The following PDE4C variants were observed in gnomAD, a reference collection of about 807,000 sequenced individuals.
PDE4C encodes the protein phosphodiesterase 4C, also known as 3',5'-cyclic-AMP phosphodiesterase 4C.
Under a neutral mutation model 63.9 loss-of-function variants are expected in PDE4C, and 50 were observed. That is an observed-to-expected ratio of 0.78 (90% CI 0.62 to 0.99). The LOEUF (loss-of-function observed/expected upper bound fraction) is 0.99. PDE4C is among the 50% of genes least tolerant of loss of function. PDE4C has a pLI of 0.00. For synonymous variants in PDE4C, 377 were observed against 385.1 expected, an observed-to-expected ratio of 0.98 and a Z score of 0.25; for missense variants, 777 against 899.1, an observed-to-expected ratio of 0.86 and a Z score of 1.74.
At chr19:18,231,622 C>T (rs552335623) in intron 1 of PDE4C, among the ~76,000 whole-genome samples, 6 of 152,012 alleles carry the variant, frequency 3.9e-5, no homozygotes, top group Admixed American at 6.5e-5. Flanking sequence ...TGCACCAGGA[C>T]GCAAGAAAGC....
At chr19:18,241,703 C>A (rs934310407) in intron 1 of PDE4C, among the ~76,000 whole-genome samples, 1 of 152,096 alleles carries the variant, frequency 6.6e-6, no homozygotes, top group African/African-American at 2.4e-5. Flanking sequence ...TCACACACCA[C>A]AACTCCCAGC....
upstream of PDE4C, among the ~76,000 whole-genome samples, chr19:18,227,832 G>A (rs1968774562): frequency 6.6e-6 from 1 of 152,200 alleles, no homozygotes; most frequent in Admixed American, 6.5e-5. Context: ...CAGTCCTGGA[G>A]AAGCCCATTG....
intron 1 of PDE4C, chr19:18,232,825 G>A (rs2148054216): frequency 5.2e-6 from 6 of 1,146,350 alleles, no homozygotes; most frequent in Non-Finnish European, 7.0e-6. Context: ...TTCCTTCCAG[G>A]CGCCAGCCTC....
intron 4 of PDE4C, 47 bp downstream of exon 4, chr19:18,221,058 C>CCCCCCCCCCCCCCCCCCCTT: frequency 1.6e-6 from 2 of 1,221,608 alleles, no homozygotes; most frequent in Non-Finnish European, 2.3e-6. Context: ...TTCCGCCCAC[C>CCCCCCCCCCCCCCCCCCCTT]TTGTCTCTGC....
chr19:18,211,903 G>A (rs1967967932), exon 14 of PDE4C: 1 of 1,614,118 alleles, frequency 6.2e-7, no homozygotes, highest in South Asian at 1.1e-5. Context: ...GCTTGGTGGG[G>A]TTGCTCAGAT....
In PDE4C at chr19:18,233,361, G is replaced by A. The variant is rs750893094; in HGVS notation, c.-170C>T. The A allele has an allele frequency of 8.7e-4, 772 of 882,932 alleles. 4 individuals carry two copies. The highest frequency in any genetic ancestry group is 3.2e-4 in the Non-Finnish European group (174 of 550,818). 54.7% of individuals were successfully genotyped at this position (882,932 alleles called of 1,614,324 possible). A position where few individuals can be genotyped will look rare whatever the true frequency, so the allele number is the denominator to read the frequency against. ...GTAGAAGGTGGAACTGGGGCTCAAG[G>A]TGGGGCCGACACCGAGGAGCTGTCG... On this transcript the variant is annotated 5_prime_UTR_variant, in exon 1 of 15. Coordinates refer to the PDE4C transcript ENST00000594465.
upstream of PDE4C, chr19:18,250,026 A>T (rs370026366): frequency 8.0e-5 from 32 of 398,488 alleles, no homozygotes; most frequent in East Asian, 8.5e-4. Flanking sequence ...GTGTTTTCAC[A>T]CGAGGCCTTG....
chr19:18,233,505 C>G (rs1378132891), exon 1 of PDE4C: 8 of 629,232 alleles, frequency 1.3e-5, no homozygotes, highest in Middle Eastern at 2.5e-4. Context: ...TCTGCCGTCC[C>G]CTATAGCGCT....
upstream of PDE4C, among the ~76,000 whole-genome samples, chr19:18,251,559 C>G (rs1039149811): frequency 1.3e-5 from 2 of 151,856 alleles, no homozygotes; most frequent in South Asian, 4.2e-4. Flanking sequence ...CTCAGCCTCC[C>G]GAGTTGCTGA....
chr19:18,230,535 A>G (rs1968826840), upstream of PDE4C, among the ~76,000 whole-genome samples: 2 of 152,166 alleles, frequency 1.3e-5, no homozygotes, highest in South Asian at 2.1e-4. Flanking sequence ...TGCTTGTAGC[A>G]TAAACAGAGA....
chr19:18,214,948 C>CAA (rs34534126), intron 12 of PDE4C, among the ~76,000 whole-genome samples: 18 of 102,298 alleles, frequency 1.8e-4, no homozygotes, highest in Non-Finnish European at 1.7e-4. Context: ...GACTCCATTT[C>CAA]AAAAAAAAAA....
upstream of PDE4C, chr19:18,226,602 CT>C: frequency 5.5e-6 from 2 of 362,962 alleles, no homozygotes; most frequent in Non-Finnish European, 9.5e-6. Context: ...CAACTCTCTG[CT>C]CCTTTTTTTT....
chr19:18,250,618 T>C, upstream of PDE4C: 1 of 395,590 alleles, frequency 2.5e-6, no homozygotes, highest in Non-Finnish European at 4.5e-6. Flanking sequence ...TTTAATCATG[T>C]ATTTTAGAGA....
Position 18,210,947 on chromosome 19 carries a change from G to A in PDE4C, c.2025C>T (p.Leu675=), listed in dbSNP as rs150088794. 4.1e-3 allele frequency: 6,592 copies of A among 1,610,238 alleles called. 22 individuals are homozygous for A. Among genetic ancestry groups the A allele is most frequent in the Non-Finnish European group, 4.9e-3 (5,727 of 1,177,542 alleles). ...GCTGGCCCTAAGTCCTCTGGTTGTC[G>A]AGGGGTAAGTCCCCAGGGTCTGGGC... is the stretch of plus-strand genomic sequence containing the variant. Residue 675 remains leucine (L), a synonymous_variant, in exon 15 of 15, where the codon CTC becomes CTT. Transcript: ENST00000262805.
chr19:18,238,169 G>C (rs1600100979), upstream of PDE4C, among the ~76,000 whole-genome samples: 1 of 152,124 alleles, frequency 6.6e-6, no homozygotes, highest in East Asian at 1.9e-4. Flanking sequence ...AGGCTGTAGT[G>C]AGCCAAGATC....
intron 1 of PDE4C, among the ~76,000 whole-genome samples, chr19:18,241,477 T>C (rs541805919): frequency 4.3e-4 from 66 of 151,944 alleles, no homozygotes; most frequent in African/African-American, 1.6e-3. Flanking sequence ...CCGTGTTAGC[T>C]GGGATGGTCT....
chr19:18,233,694 A>C (rs1042553186), upstream of PDE4C: 1 of 354,600 alleles, frequency 2.8e-6, no homozygotes, highest in Admixed American at 3.8e-5. Context: ...TGGATGAGAC[A>C]GCGAAGAGCT....
exon 11 of PDE4C, chr19:18,218,241 A>G (rs376738010): frequency 3.9e-5 from 63 of 1,614,092 alleles, no homozygotes; most frequent in Non-Finnish European, 5.2e-5. Flanking sequence ...CAAGTCTGTG[A>G]ACACAGCCTG....
At chr19:18,236,028 T>C (rs145166559), upstream of PDE4C, among the ~76,000 whole-genome samples, 13,423 of 151,156 alleles carry the variant, frequency 0.089, 867 homozygotes, top group East Asian at 0.37. Context: ...CTGCAAGCTC[T>C]GCCTCCCGGG....
Sources: gnomAD v4.1 joint callset for allele counts (sites outside exome capture counted in the v4.1 genomes callset) on GRCh38, gnomAD v4.1.1 for gene constraint, MANE v1.5 for transcripts, NCBI Gene and HGNC (gene_info 2026-07-23, HGNC 2026-07-21) for gene names.